Variants in ADAMTS16 observed in about 807,000 individuals in gnomAD.
The protein encoded by ADAMTS16 is A disintegrin and metalloproteinase with thrombospondin motifs 16.
In ADAMTS16, 94 loss-of-function variants were observed where a neutral mutation model predicts 145.8. The observed-to-expected ratio is 0.64, with a 90% CI of 0.55 to 0.77. The LOEUF is 0.77. ADAMTS16 is among the 30% of genes least tolerant of loss of function. The pLI, the probability that ADAMTS16 is intolerant of heterozygous loss-of-function variation, is 0.00. For synonymous variants in ADAMTS16, 659 were observed against 604.3 expected (o/e 1.09, Z -1.33); for missense variants, 1,585 against 1,591.5 (o/e 1.00, Z 0.07).
intron 3 of ADAMTS16, among the ~76,000 whole-genome samples, chr5:5,173,274 T>TAC (rs1408717814): frequency 6.6e-6 from 1 of 151,986 alleles, no homozygotes; most frequent in Non-Finnish European, 1.5e-5. Flanking sequence ...AAGTAAGGAC[T>TAC]TACTCCTGCT....
At chr5:5,242,027 A>G (rs748643101) in intron 16 of ADAMTS16, 26 bp from the exon 17 acceptor site, 1 of 1,612,432 alleles carries the variant, frequency 6.2e-7, no homozygotes, top group Non-Finnish European at 8.5e-7. Flanking sequence ...AATTTGTTTT[A>G]TTTTTTCCCC....
At chr5:5,278,386 C>T (rs1458510300) in intron 18 of ADAMTS16, among the ~76,000 whole-genome samples, 1 of 152,162 alleles carries the variant, frequency 6.6e-6, no homozygotes, top group East Asian at 1.9e-4. Context: ...AGTTTTATAT[C>T]ACTCAGCTCT....
At chr5:5,194,385 G>A (rs745637082) in intron 8 of ADAMTS16, among the ~76,000 whole-genome samples, 2 of 152,224 alleles carry the variant, frequency 1.3e-5, no homozygotes, top group Non-Finnish European at 2.9e-5. Flanking sequence ...AGCACTTTCT[G>A]TAAAATTCAC....
chr5:5,306,649 C>T lies in ADAMTS16; in HGVS notation c.3332C>T (p.Pro1111Leu), dbSNP rs763057873. ...PSLELERACA[P>L]LPCPRHPPFA... ...CTGGAGCTGGAACGTGCCTGCGCCC[C>T]GCTTCCATGCCCCAGGCACCCCCCA... is the stretch of plus-strand genomic sequence containing the variant. The change falls in exon 21 of 23, where the codon CCG becomes CTG. Residue 1111 changes from proline (P) to leucine (L), a missense_variant. This residue lies in a region of ADAMTS16 where 834 missense variants were observed against 811.7 expected (regional missense o/e 1.03). Coordinates refer to ENST00000274181, the MANE Select transcript of ADAMTS16 (RefSeq NM_139056.4). The T allele has an allele frequency of 1.5e-5, 24 of 1,614,026 alleles. No individual in the cohort carries two copies. The highest frequency in any genetic ancestry group is 6.7e-5 in the East Asian group (3 of 44,872).
chr5:5,240,340 C>G (rs140502143), intron 16 of ADAMTS16, among the ~76,000 whole-genome samples: 1 of 152,290 alleles, frequency 6.6e-6, no homozygotes, highest in African/African-American at 2.4e-5. Flanking sequence ...TGTGTGATGA[C>G]CTACCTGTGT....
intron 15 of ADAMTS16, 71 bp from the exon 16 acceptor site, chr5:5,239,609 TG>T (rs1560963500): frequency 1.9e-6 from 3 of 1,583,126 alleles, no homozygotes; most frequent in Non-Finnish European, 2.6e-6. Flanking sequence ...TACCGAGGAC[TG>T]GGGTTGCTTA....
intron 6 of ADAMTS16, among the ~76,000 whole-genome samples, chr5:5,189,590 T>A (rs1424369141): frequency 1.3e-5 from 2 of 152,240 alleles, no homozygotes; most frequent in African/African-American, 4.8e-5. Flanking sequence ...TCTAGACGTG[T>A]TTTTGTATAT....
At chr5:5,181,983 G>A (rs1234994874) in intron 3 of ADAMTS16, 61 bp from the exon 4 acceptor site, 16 of 1,515,068 alleles carry the variant, frequency 1.1e-5, no homozygotes, top group East Asian at 2.3e-5. Context: ...TTGGAGAATC[G>A]GCCCTGGCTT....
At chr5:5,172,392 T>A (rs1284656461) in intron 3 of ADAMTS16, among the ~76,000 whole-genome samples, 1 of 152,058 alleles carries the variant, frequency 6.6e-6, no homozygotes, top group Non-Finnish European at 1.5e-5. Context: ...ACCTATAAAC[T>A]TTTCTTTTAG....
intron 18 of ADAMTS16, among the ~76,000 whole-genome samples, chr5:5,266,946 C>T (rs1375815077): frequency 6.6e-6 from 1 of 152,192 alleles, no homozygotes; most frequent in Non-Finnish European, 1.5e-5. Context: ...ATTGCCCTTA[C>T]CACCAACCAT....
chr5:5,172,022 C>T (rs1039251403), intron 3 of ADAMTS16, among the ~76,000 whole-genome samples: 8 of 152,070 alleles, frequency 5.3e-5, no homozygotes, highest in African/African-American at 1.9e-4. Context: ...AGGAATGTAT[C>T]CATTTCTTCT....
chr5:5,170,443 ATC>A (rs1464370131), intron 3 of ADAMTS16, among the ~76,000 whole-genome samples: 28 of 152,092 alleles, frequency 1.8e-4, no homozygotes, highest in Admixed American at 8.5e-4. Flanking sequence ...CAATGGCGCG[ATC>A]TCGGCTCGTG....
intron 18 of ADAMTS16, among the ~76,000 whole-genome samples, chr5:5,263,346 G>A (rs1180335061): frequency 1.3e-5 from 2 of 152,240 alleles, no homozygotes; most frequent in African/African-American, 4.8e-5. Flanking sequence ...GCCCCTTGAG[G>A]CAGCCATGGT....
intron 18 of ADAMTS16, among the ~76,000 whole-genome samples, chr5:5,277,802 C>T (rs925334385): frequency 6.7e-6 from 1 of 148,770 alleles, no homozygotes; most frequent in Non-Finnish European, 1.5e-5. Flanking sequence ...CAGTAAGACC[C>T]CATCTACACA....
At chr5:5,230,769 AGT>A (rs1736897866) in intron 11 of ADAMTS16, among the ~76,000 whole-genome samples, 1 of 152,212 alleles carries the variant, frequency 6.6e-6, no homozygotes, top group Non-Finnish European at 1.5e-5. Flanking sequence ...ATGCACATTG[AGT>A]TTGCTCACAG....
chr5:5,262,847 C>A, intron 18 of ADAMTS16, 64 bp downstream of exon 18: 1 of 1,589,480 alleles, frequency 6.3e-7, no homozygotes, highest in Non-Finnish European at 8.6e-7. Flanking sequence ...GCGAGTCTTG[C>A]AGCTCCTGAT....
At position 5,140,653 on chromosome 5, in the gene ADAMTS16, GT is replaced by G; in HGVS notation, c.73-7del. ...GCCGTCTCACCGCGATGTCGCCGCT[GT>G]TTTCCGCAGGCACCTGCGTGCGCCA... On this transcript the variant is annotated splice_polypyrimidine_tract_variant and intron_variant, in intron 1 of 22. Coordinates refer to ENST00000274181, the MANE Select transcript of ADAMTS16 (RefSeq NM_139056.4). 6.5e-7 allele frequency: 1 copy of G among 1,542,566 alleles called. No homozygotes were observed. The highest frequency in any genetic ancestry group is 8.7e-7 in the Non-Finnish European group (1 of 1,148,200).
At chr5:5,223,011 C>T (rs1736649705) in intron 11 of ADAMTS16, 127 bp downstream of exon 11, 1 of 687,466 alleles carries the variant, frequency 1.5e-6, no homozygotes, top group Admixed American at 2.4e-5. Flanking sequence ...TACCCATGCT[C>T]CTATCAAACA....
intron 3 of ADAMTS16, among the ~76,000 whole-genome samples, chr5:5,154,222 G>T (rs945055797): frequency 7.9e-5 from 12 of 152,194 alleles, no homozygotes; most frequent in African/African-American, 2.4e-4. Flanking sequence ...TGAGAAGACT[G>T]CTGATGGCAT....
Sources: gnomAD v4.1 joint callset for allele counts (sites outside exome capture counted in the v4.1 genomes callset) on GRCh38, gnomAD v4.1.1 for gene constraint, gnomAD v4.1.1 regional missense constraint, MANE v1.5 for transcripts, NCBI Gene and HGNC (gene_info 2026-07-23, HGNC 2026-07-21) for gene names.